The following MAPKAPK5 variants were observed in gnomAD, a reference collection of about 807,000 sequenced individuals.
MAPKAPK5 encodes the protein MAP kinase-activated protein kinase 5.
MAPKAPK5 carries 30 observed loss-of-function variants against 65.1 expected under a neutral mutation model. The observed-to-expected ratio is 0.46, with a 90% CI of 0.34 to 0.63. MAPKAPK5 has a LOEUF of 0.63. Ranked by LOEUF, MAPKAPK5 falls within the 20% of genes least tolerant of loss-of-function variation. The pLI is 0.01. For synonymous variants in MAPKAPK5, 179 were observed against 204.6 expected (o/e 0.87, Z 1.07); for missense variants, 433 against 581.4 (o/e 0.74, Z 2.63).
At position 111,883,509 on chromosome 12, in the gene MAPKAPK5, GA is replaced by G; in HGVS notation, c.661-71del. The G allele has an allele frequency of 7.4e-7, 1 of 1,350,416 alleles. No individual in the cohort carries two copies. The highest frequency in any genetic ancestry group is 1.4e-5 in the African/African-American group (1 of 69,072). The allele number at this position is 1,350,416 out of a possible 1,614,324, so 83.7% of individuals were successfully genotyped here. A position where few individuals can be genotyped will look rare whatever the true frequency, so the allele number is the denominator to read the frequency against. The stretch of plus-strand genomic sequence containing the variant: ...CCTATATATTGCAGGGGCTATTCCT[GA>G]GCCTGTCATGGGGTGTTTATTTGGG... On this transcript the variant is annotated intron_variant, in intron 8 of 13. Coordinates refer to ENST00000550735, the MANE Select transcript of MAPKAPK5 (RefSeq NM_003668.4). This position sits in a 1 kb window ranked among gnomAD's most constrained non-coding sequence, Gnocchi z 4.8.
At chr12:111,857,171 G>T (rs1215910298) in intron 1 of MAPKAPK5, among the ~76,000 whole-genome samples, 2 of 151,500 alleles carry the variant, frequency 1.3e-5, no homozygotes, top group East Asian at 3.9e-4. Flanking sequence ...ATTAAGAGAA[G>T]AAAATAATTT....
Position 111,842,741 on chromosome 12 carries a change from A to C in MAPKAPK5, c.8A>C (p.Glu3Ala). MS[E>A]ESDMDKAIKE... ...GTGGGGGCCCCACTGAGTATGTCGG[A>C]GGAGAGCGACATGGACAAAGCCATC... Residue 3 changes from glutamate to alanine, a missense_variant, in exon 1 of 14, where the codon GAG becomes GCG. By Grantham distance (107) the Glu-to-Ala change is moderately radical. Transcript: ENST00000550735. 1.5e-6 allele frequency: 2 copies of C among 1,359,452 alleles called. No individual in the cohort carries two copies. The highest frequency in any genetic ancestry group is 1.9e-6 in the Non-Finnish European group (2 of 1,049,522). The allele number at this position is 1,359,452 out of a possible 1,614,324, so 84.2% of individuals were successfully genotyped here.
chr12:111,875,390 A>T (rs555551962), intron 7 of MAPKAPK5, among the ~76,000 whole-genome samples: 156 of 151,910 alleles, frequency 1.0e-3, no homozygotes, highest in South Asian at 4.2e-3. Flanking sequence ...CATTTTTTTT[A>T]AAATTTAAAA....
chr12:111,880,596 C>T (rs754903100), intron 8 of MAPKAPK5, 69 bp downstream of exon 8: 124 of 1,398,556 alleles, frequency 8.9e-5, no homozygotes, highest in Non-Finnish European at 1.2e-4. Flanking sequence ...TGTTTGTGGC[C>T]CTCTGGGAGT....
In MAPKAPK5 at chr12:111,893,516, T is replaced by C. The variant is rs2070697355; in HGVS notation, c.*455T>C. On this transcript the variant is annotated 3_prime_UTR_variant, in exon 14 of 14. Transcript: ENST00000550735. ...CATTTTTGTGGCTGTCATTGCAGAC[T>C]GCTTGCTGGAACTCACAGGAGGCAC... The C allele has an allele frequency of 6.6e-6, 1 of 152,372 alleles. No homozygotes were observed. Among genetic ancestry groups the C allele is most frequent in the Non-Finnish European group, 1.5e-5 (1 of 68,188 alleles). The allele number at this position is 152,372 out of a possible 1,614,324, so 9.4% of individuals were successfully genotyped here.
rs1201668575 is a variant in MAPKAPK5, at chr12:111,899,275, G to A, written c.*6214G>A. The A allele has an allele frequency of 6.5e-6, 1 of 152,834 alleles. No homozygotes were observed. The highest frequency in any genetic ancestry group is 2.4e-5 in the African/African-American group (1 of 41,448). 9.5% of individuals were successfully genotyped at this position (152,834 alleles called of 1,614,324 possible). On this transcript the variant is annotated 3_prime_UTR_variant, in exon 14 of 14. Transcript: ENST00000550735. ...ATTTATTTGGGCCATGTCACTGGTG[G>A]CATTATTAAAAGACTCTGCCAACAT... is the stretch of plus-strand genomic sequence containing the variant.
chr12:111,870,228 G>T, intron 5 of MAPKAPK5, 43 bp from the exon 6 acceptor site: 1 of 1,424,312 alleles, frequency 7.0e-7, no homozygotes, highest in South Asian at 1.2e-5. Flanking sequence ...ATTAAAGAGT[G>T]GTCTTTTCTA....
intron 11 of MAPKAPK5, 123 bp downstream of exon 11, chr12:111,888,741 A>T: frequency 1.3e-6 from 2 of 1,516,970 alleles, no homozygotes; most frequent in Non-Finnish European, 8.9e-7. Flanking sequence ...GGTGGAGAGG[A>T]TAAGTTCTTT....
chr12:111,886,958 C>T (rs1006544170), intron 10 of MAPKAPK5, among the ~76,000 whole-genome samples: 1 of 152,110 alleles, frequency 6.6e-6, no homozygotes, highest in African/African-American at 2.4e-5. Flanking sequence ...TCGTGATAGA[C>T]TAGATATAAG....
chr12:111,865,472 G>T, intron 2 of MAPKAPK5, 149 bp downstream of exon 2: 1 of 631,434 alleles, frequency 1.6e-6, no homozygotes, highest in Non-Finnish European at 2.8e-6. Flanking sequence ...TTTTATGTTA[G>T]GCTTTTTCTC....
rs2071024846 is a variant in MAPKAPK5 at position 111,900,899 on chromosome 12, A to G, written c.*7838A>G. The G allele has an allele frequency of 2.2e-6, 1 of 455,548 alleles. No homozygotes were observed. Among genetic ancestry groups the G allele is most frequent in the Non-Finnish European group, 4.4e-6 (1 of 226,764 alleles). The allele number at this position is 455,548 out of a possible 1,614,324, so 28.2% of individuals were successfully genotyped here. On this transcript the variant is annotated 3_prime_UTR_variant, in exon 14 of 14. Coordinates refer to ENST00000550735, the MANE Select transcript of MAPKAPK5 (RefSeq NM_003668.4). ...ATAATCAGTGCTTACAATTATATGG[A>G]TATGGTGCAAAATCAGCCTCACAAG...
chr12:111,890,254 G>A (rs2070557713), intron 13 of MAPKAPK5, 110 bp downstream of exon 13: 1 of 791,724 alleles, frequency 1.3e-6, no homozygotes, highest in East Asian at 2.7e-5. Context: ...AGTGAAGTGA[G>A]GCTGGCTGGA....
At position 111,893,043 on chromosome 12, in the gene MAPKAPK5, G is replaced by A. The variant is rs367871047; in HGVS notation, c.1398G>A (p.Thr466=). Residue 466 remains threonine (T), a synonymous_variant, in exon 14 of 14, where the codon ACG becomes ACA. Transcript: ENST00000550735. ...IVKQVIEEQT[T]SHESQ Reference sequence around the variant, plus strand: ...AGCAGGTGATAGAAGAGCAAACCACGTCCCACGAATCCCAATAATGACAGC... The same window carrying A: ...AGCAGGTGATAGAAGAGCAAACCACATCCCACGAATCCCAATAATGACAGC... 2.0e-5 allele frequency: 32 copies of A among 1,576,510 alleles called. No homozygotes were observed. Among genetic ancestry groups the A allele is most frequent in the South Asian group, 5.9e-5 (5 of 85,198 alleles).
intron 8 of MAPKAPK5, among the ~76,000 whole-genome samples, chr12:111,882,236 CG>C (rs2070259203): frequency 6.6e-6 from 1 of 152,128 alleles, no homozygotes; most frequent in African/African-American, 2.4e-5. Flanking sequence ...AAAAATTAGC[CG>C]GGTGTGGTGG....
At position 111,901,505 on chromosome 12, in the gene MAPKAPK5, A is replaced by G. The variant is rs1303097660; in HGVS notation, c.*8444A>G. 1 of 400,916 alleles carries G rather than the reference A, an allele frequency of 2.5e-6. No homozygotes were observed. Among genetic ancestry groups the G allele is most frequent in the East Asian group, 7.6e-5 (1 of 13,176 alleles). The allele number at this position is 400,916 out of a possible 1,614,324, so 24.8% of individuals were successfully genotyped here. On this transcript the variant is annotated 3_prime_UTR_variant, in exon 14 of 14. Transcript: ENST00000550735. Reference sequence around the variant, plus strand: ...TCATTATACTTTTTATAATATTATTATTAAGTACAATTATTTGATCTGCTT... The same window carrying G: ...TCATTATACTTTTTATAATATTATTGTTAAGTACAATTATTTGATCTGCTT...
intron 1 of MAPKAPK5, among the ~76,000 whole-genome samples, chr12:111,857,833 G>C (rs1278963096): frequency 6.6e-6 from 1 of 151,558 alleles, no homozygotes; most frequent in Admixed American, 6.6e-5. Context: ...TCCATGATTT[G>C]TCATTTTTTC....
rs963680187 is a variant in MAPKAPK5, at chr12:111,883,740, T to C, written c.820T>C (p.Ser274Pro). 6.2e-7 allele frequency: 1 copy of C among 1,613,736 alleles called. No individual in the cohort carries two copies. Among genetic ancestry groups the C allele is most frequent in the Non-Finnish European group, 8.5e-7 (1 of 1,179,840 alleles). The change falls in exon 9 of 14, where the codon TCA becomes CCA. Residue 274 changes from serine (S) to proline (P), a missense_variant. This residue lies in a region of MAPKAPK5 where 99 missense variants were observed against 185.8 expected (regional missense o/e 0.53). Coordinates refer to ENST00000550735, the MANE Select transcript of MAPKAPK5 (RefSeq NM_003668.4). This position sits in a 1 kb window ranked among gnomAD's most constrained non-coding sequence, Gnocchi z 4.8. ...EFPEEEWSQI[S>P]EMAKDVVRKL... is the part of the protein sequence containing the mutation. ...CCCAGAGGAAGAGTGGAGTCAGATC[T>C]CAGAGATGGCCAAAGATGTTGTGAG...
In MAPKAPK5 at chr12:111,888,473, A is replaced by C; in HGVS notation, c.970-15A>C. On this transcript the variant is annotated splice_polypyrimidine_tract_variant and intron_variant, in intron 10 of 13. Coordinates refer to ENST00000550735, the MANE Select transcript of MAPKAPK5 (RefSeq NM_003668.4). ...GCAATGAATATGAAAAACTGACGGC[A>C]GTGTTTGCATTCAGGCAGTGGTTGC... The C allele has an allele frequency of 6.2e-7, 1 of 1,612,124 alleles. No individual in the cohort carries two copies. The highest frequency in any genetic ancestry group is 8.5e-7 in the Non-Finnish European group (1 of 1,179,322).
intron 7 of MAPKAPK5, among the ~76,000 whole-genome samples, chr12:111,875,910 CA>C (rs1566258339): frequency 6.6e-6 from 1 of 151,672 alleles, no homozygotes; most frequent in African/African-American, 2.4e-5. Flanking sequence ...TTGATGGGTT[CA>C]AAAAAAGTGA....
Sources: allele counts gnomAD v4.1 joint callset (sites outside exome capture counted in the v4.1 genomes callset), GRCh38; gene constraint gnomAD v4.1.1; regional missense constraint gnomAD v4.1.1; non-coding constraint Gnocchi (gnomAD v3.1); transcripts MANE v1.5; gene names NCBI Gene and HGNC (gene_info 2026-07-23, HGNC 2026-07-21).